Variants in DPYD observed in about 807,000 individuals in gnomAD.
The protein encoded by DPYD is dihydropyrimidine dehydrogenase [NADP(+)].
Under a neutral mutation model 116.2 loss-of-function variants are expected in DPYD, and 109 were observed. That is an observed-to-expected ratio of 0.94 (90% CI 0.80 to 1.10). The LOEUF is 1.10. Ranked by LOEUF, DPYD falls within the 50% of genes least tolerant of loss-of-function variation. DPYD has a pLI of 0.00. For synonymous variants in DPYD, 440 were observed against 432.0 expected, an observed-to-expected ratio of 1.02 and a Z score of -0.23; for missense variants, 1,302 against 1,254.5, an observed-to-expected ratio of 1.04 and a Z score of -0.57.
chr1:97,248,444 A>G (rs1397378050), intron 18 of DPYD, among the ~76,000 whole-genome samples: 1 of 152,180 alleles, frequency 6.6e-6, no homozygotes, highest in Non-Finnish European at 1.5e-5. Context: ...AGGCCTCCCC[A>G]GCCACATGGA....
At chr1:97,080,307 A>G (rs1386775478) in intron 22 of DPYD, among the ~76,000 whole-genome samples, 1 of 152,006 alleles carries the variant, frequency 6.6e-6, no homozygotes, top group Non-Finnish European at 1.5e-5. Flanking sequence ...AAGGAATTGC[A>G]TTATTTTGAT....
chr1:97,601,071 TCAGA>T (rs1199359492), intron 8 of DPYD, among the ~76,000 whole-genome samples: 1 of 152,084 alleles, frequency 6.6e-6, no homozygotes, highest in Non-Finnish European at 1.5e-5. Context: ...AAATCATGTC[TCAGA>T]CAGCATTGAC....
chr1:97,148,767 C>T (rs1402588364), intron 20 of DPYD, among the ~76,000 whole-genome samples: 1 of 152,144 alleles, frequency 6.6e-6, no homozygotes, highest in African/African-American at 2.4e-5. Flanking sequence ...ATTAAATAAG[C>T]AGAAACACTT....
intron 20 of DPYD, among the ~76,000 whole-genome samples, chr1:97,112,552 G>A (rs952135173): frequency 2.0e-5 from 3 of 152,082 alleles, no homozygotes; most frequent in Non-Finnish European, 4.4e-5. Context: ...GCTACTTCAC[G>A]AACATCTGGC....
chr1:97,910,213 A>G (rs1449802564), intron 1 of DPYD, among the ~76,000 whole-genome samples: 10 of 152,086 alleles, frequency 6.6e-5, no homozygotes, highest in Non-Finnish European at 1.0e-4. Flanking sequence ...TTCCTCCATT[A>G]GAATGCAATT....
intron 15 of DPYD, among the ~76,000 whole-genome samples, chr1:97,374,304 C>A (rs941088698): frequency 6.6e-6 from 1 of 152,134 alleles, no homozygotes; most frequent in Admixed American, 6.6e-5. Context: ...CCTTGATATA[C>A]AAATAGATCT....
At chr1:97,191,278 T>C (rs1292731880) in intron 20 of DPYD, among the ~76,000 whole-genome samples, 1 of 152,128 alleles carries the variant, frequency 6.6e-6, no homozygotes. Context: ...CAGAGTACTT[T>C]GATTCACTAC....
At chr1:97,753,984 T>C (rs772399339) in intron 3 of DPYD, among the ~76,000 whole-genome samples, 1 of 152,176 alleles carries the variant, frequency 6.6e-6, no homozygotes, top group African/African-American at 2.4e-5. Context: ...GGGACCACTA[T>C]AACCTCATGC....
At chr1:97,314,680 G>A (rs1329692460) in intron 16 of DPYD, among the ~76,000 whole-genome samples, 2 of 151,760 alleles carry the variant, frequency 1.3e-5, no homozygotes, top group Non-Finnish European at 2.9e-5. Context: ...AGCCCTGAAA[G>A]CTGTTCAAAT....
chr1:97,670,818 GTTAA>G (rs1415676091), intron 8 of DPYD, among the ~76,000 whole-genome samples: 1 of 152,030 alleles, frequency 6.6e-6, no homozygotes, highest in Non-Finnish European at 1.5e-5. Flanking sequence ...CACTTTAAGA[GTTAA>G]TTAAACCATT....
intron 13 of DPYD, among the ~76,000 whole-genome samples, chr1:97,495,892 A>G (rs1298001659): frequency 6.6e-6 from 1 of 152,104 alleles, no homozygotes; most frequent in Non-Finnish European, 1.5e-5. Flanking sequence ...AATTATTAAC[A>G]TTTTCAGATC....
chr1:97,128,558 A>T (rs1333655148), intron 20 of DPYD, among the ~76,000 whole-genome samples: 2 of 152,192 alleles, frequency 1.3e-5, no homozygotes, highest in Admixed American at 1.3e-4. Context: ...GCCCTTTTCC[A>T]ATGGCATATG....
chr1:97,794,633 A>G lies in DPYD; in HGVS notation c.233+33481T>C, dbSNP rs187061202. Among the ~76,000 whole-genome samples, 65 of 152,308 alleles carry G rather than the reference A, an allele frequency of 4.3e-4. 2 individuals carry two copies. In the East Asian group the frequency reaches 8.5e-3, roughly 20 times the overall value. ...TTATCAACATGACTTACTACCATTG[A>G]TATCAATCTTGATTGCCTGGCTAGT... On this transcript the variant is annotated intron_variant, in intron 3 of 22. Coordinates refer to ENST00000370192, the MANE Select transcript of DPYD (RefSeq NM_000110.4).
chr1:97,550,234 A>G (rs1557791474), intron 11 of DPYD, among the ~76,000 whole-genome samples: 2 of 152,102 alleles, frequency 1.3e-5, no homozygotes, highest in East Asian at 3.9e-4. Context: ...GAGACAACAT[A>G]TATAACATTT....
At chr1:97,848,035 T>C (rs1670389731) in intron 2 of DPYD, among the ~76,000 whole-genome samples, 2 of 152,132 alleles carry the variant, frequency 1.3e-5, no homozygotes, top group Non-Finnish European at 2.9e-5. Context: ...ATATAGCATT[T>C]AAAATATTAA....
intron 14 of DPYD, among the ~76,000 whole-genome samples, chr1:97,431,340 G>A (rs1675167539): frequency 6.6e-6 from 1 of 152,136 alleles, no homozygotes. Flanking sequence ...ATGTGATTGA[G>A]AATGACTGGA....
chr1:97,697,413 A>T (rs1007202991), intron 6 of DPYD, among the ~76,000 whole-genome samples: 2 of 152,122 alleles, frequency 1.3e-5, no homozygotes, highest in Non-Finnish European at 2.9e-5. Flanking sequence ...CACTTTCAAG[A>T]TACAAGAGAA....
chr1:97,096,759 A>T (rs1650277564), intron 21 of DPYD, among the ~76,000 whole-genome samples: 2 of 152,118 alleles, frequency 1.3e-5, no homozygotes, highest in Non-Finnish European at 2.9e-5. Context: ...ATGGGAGGGG[A>T]CAATAAGGGA....
chr1:97,457,985 G>C (rs1306848826), intron 13 of DPYD, among the ~76,000 whole-genome samples: 1 of 152,016 alleles, frequency 6.6e-6, no homozygotes, highest in East Asian at 1.9e-4. Flanking sequence ...TAAATTATTG[G>C]GTTCACTGTT....
Sources: allele counts gnomAD v4.1 joint callset (sites outside exome capture counted in the v4.1 genomes callset), GRCh38; gene constraint gnomAD v4.1.1; transcripts MANE v1.5; gene names NCBI Gene and HGNC (gene_info 2026-07-23, HGNC 2026-07-21).